The following CDH11 variants were observed in gnomAD, a reference collection of about 807,000 sequenced individuals.
CDH11 encodes the protein cadherin 11.
Under a neutral mutation model 67.8 loss-of-function variants are expected in CDH11, and 11 were observed. That is an observed-to-expected ratio of 0.16 (90% CI 0.10 to 0.27). The LOEUF is 0.27. CDH11 is among the 10% of genes least tolerant of loss of function. The pLI is 1.00. For synonymous variants in CDH11, 419 were observed against 400.0 expected (o/e 1.05, Z -0.57); for missense variants, 847 against 1,031.2 (o/e 0.82, Z 2.45).
At chr16:65,122,881 T>A (rs2075358561), upstream of CDH11, among the ~76,000 whole-genome samples, 1 of 152,146 alleles carries the variant, frequency 6.6e-6, no homozygotes. Context: ...CAGCCAGGTA[T>A]CAGTGGCCCC....
chr16:64,992,349 G>A (rs80341712), intron 5 of CDH11, among the ~76,000 whole-genome samples: 7,531 of 152,274 alleles, frequency 0.049, 275 homozygotes, highest in Non-Finnish European at 0.071. Flanking sequence ...GTTTAAAGCA[G>A]GAGGTGCATA....
chr16:64,945,796 A>T lies in CDH11; in HGVS notation c.*1807T>A. 9.6e-7 allele frequency: 1 copy of T among 1,045,672 alleles called. No individual in the cohort carries two copies. The highest frequency in any genetic ancestry group is 1.2e-6 in the Non-Finnish European group (1 of 866,632). 64.8% of individuals were successfully genotyped at this position (1,045,672 alleles called of 1,614,324 possible). A position where few individuals can be genotyped will look rare whatever the true frequency, so the allele number is the denominator to read the frequency against. ...GTTGACTAAATCATAAAAATAGTAC[A>T]TAACATGATATCAAGAAATGCTTGA... On this transcript the variant is annotated 3_prime_UTR_variant, in exon 13 of 13. Coordinates refer to ENST00000268603, the MANE Select transcript of CDH11 (RefSeq NM_001797.4).
chr16:64,965,958 G>A (rs957658504), intron 11 of CDH11, among the ~76,000 whole-genome samples: 1 of 151,798 alleles, frequency 6.6e-6, no homozygotes, highest in Non-Finnish European at 1.5e-5. Context: ...TGGATTAATT[G>A]TAAATGTATA....
At position 64,991,814 on chromosome 16, in the gene CDH11, C is replaced by A. The variant is rs1293927001; in HGVS notation, c.765G>T (p.Thr255=). The change falls in exon 6 of 13, where the codon ACG becomes ACT. Residue 255 remains threonine, a synonymous_variant. Transcript: ENST00000268603. ...TGTCATTGACATCGGTCAGTGTGAT[C>A]GTCACTTTGGTTGTCCCTGAGAGTC... The part of the protein sequence containing the change: ...MGGLSGTTKV[T]ITLTDVNDNP... 6.2e-7 allele frequency: 1 copy of A among 1,613,916 alleles called. No homozygotes were observed. Among genetic ancestry groups the A allele is most frequent in the Non-Finnish European group, 8.5e-7 (1 of 1,179,872 alleles).
Position 64,994,327 on chromosome 16 carries a change from CT to C in CDH11, c.524-1294del, listed in dbSNP as rs1243951460. On this transcript the variant is annotated intron_variant, in intron 4 of 12. Transcript: ENST00000268603. ...TTATTAATTTTAAATGCTTAATTTC[CT>C]TCTAGAACTCTGCTACATCCTTTAC... Among the ~76,000 whole-genome samples, 7 of 152,232 alleles carry C rather than the reference CT, an allele frequency of 4.6e-5. No individual in the cohort carries two copies. In the East Asian group the frequency reaches 1.4e-3, roughly 29 times the overall value.
In CDH11 at chr16:64,991,886, C is replaced by T. The variant is rs1299635631; in HGVS notation, c.693G>A (p.Glu231=). The change falls in exon 6 of 13, where the codon GAG becomes GAA. Residue 231 remains glutamate (E), a synonymous_variant. Coordinates refer to ENST00000268603, the MANE Select transcript of CDH11 (RefSeq NM_001797.4). Reference sequence around the variant, plus strand: ...CCTTGGCCTGGATCACCACGTGGTACTCCTCCTTGGCCTCCCTGTCCATGT... The same window carrying T: ...CCTTGGCCTGGATCACCACGTGGTATTCCTCCTTGGCCTCCCTGTCCATGT... ...LPNMDREAKE[E]YHVVIQAKDM... 1 of 1,613,846 alleles carries T rather than the reference C, an allele frequency of 6.2e-7. No homozygotes were observed. The highest frequency in any genetic ancestry group is 8.5e-7 in the Non-Finnish European group (1 of 1,179,762).
intron 1 of CDH11, among the ~76,000 whole-genome samples, chr16:65,057,906 G>T (rs138970670): frequency 2.6e-5 from 4 of 152,262 alleles, no homozygotes; most frequent in African/African-American, 9.6e-5. Flanking sequence ...TTCCCATGGT[G>T]TGTGACTACA....
At chr16:65,021,881 A>AG (rs1275002406) in intron 2 of CDH11, among the ~76,000 whole-genome samples, 1 of 150,668 alleles carries the variant, frequency 6.6e-6, no homozygotes, top group Non-Finnish European at 1.5e-5. Context: ...ACTCAGAAAA[A>AG]AAAAAAAAAA....
rs1338593701 is a variant in CDH11 at position 64,946,736 on chromosome 16, G to A, written c.*867C>T. ...AATTAGAAATATAAATGGATCATTA[G>A]AAATACTTAACGTTTGTTTCAATGT... On this transcript the variant is annotated 3_prime_UTR_variant, in exon 13 of 13. Transcript: ENST00000268603. 1.1e-6 allele frequency: 1 copy of A among 908,958 alleles called. No homozygotes were observed. The highest frequency in any genetic ancestry group is 1.3e-6 in the Non-Finnish European group (1 of 748,994). 56.3% of individuals were successfully genotyped at this position (908,958 alleles called of 1,614,324 possible).
rs1380795078 is a variant in CDH11, at chr16:64,982,042, C to T, written c.1253+6G>A. ...ATCCAAGCTCTTAAAATAAATCCGT[C>T]TGTACCTTATCGGGCTGTTGGCAGC... On this transcript the variant is annotated splice_donor_region_variant and intron_variant, in intron 8 of 12. Coordinates refer to ENST00000268603, the MANE Select transcript of CDH11 (RefSeq NM_001797.4). The T allele has an allele frequency of 1.9e-6, 3 of 1,607,364 alleles. No homozygotes were observed. The highest frequency in any genetic ancestry group is 2.5e-6 in the Non-Finnish European group (3 of 1,176,564).
At chr16:65,027,067 G>C (rs547293587) in intron 2 of CDH11, among the ~76,000 whole-genome samples, 3 of 152,132 alleles carry the variant, frequency 2.0e-5, no homozygotes, top group African/African-American at 4.8e-5. Context: ...GTTTCTATCA[G>C]TATTTCACCC....
At chr16:65,082,819 T>A (rs2074633062) in intron 1 of CDH11, among the ~76,000 whole-genome samples, 1 of 152,190 alleles carries the variant, frequency 6.6e-6, no homozygotes, top group African/African-American at 2.4e-5. Context: ...CCTATTTTGA[T>A]GTTGCTTTTA....
chr16:64,985,888 T>C (rs970424310), intron 7 of CDH11: 2 of 151,626 alleles, frequency 1.3e-5, no homozygotes, highest in Admixed American at 1.3e-4. Context: ...TTTTAATTAT[T>C]GTATCACTTC....
Position 64,972,895 on chromosome 16 carries a change from A to C in CDH11, c.1390+9T>G. 3.7e-6 allele frequency: 6 copies of C among 1,613,608 alleles called. No individual in the cohort carries two copies. The highest frequency in any genetic ancestry group is 5.1e-6 in the Non-Finnish European group (6 of 1,179,646). Reference sequence around the variant, plus strand: ...AAAGTAGAATCAAAACCATGAGGAGAATACTTACGGATTTCTGCTGCAAAG... The same window carrying C: ...AAAGTAGAATCAAAACCATGAGGAGCATACTTACGGATTTCTGCTGCAAAG... On this transcript the variant is annotated intron_variant, in intron 9 of 12. Transcript: ENST00000268603.
intron 1 of CDH11, among the ~76,000 whole-genome samples, chr16:65,072,542 TG>T (rs1410029394): frequency 2.6e-5 from 4 of 152,112 alleles, no homozygotes; most frequent in Admixed American, 1.3e-4. Flanking sequence ...CAAAATTTTA[TG>T]GATATTTTTA....
intron 2 of CDH11, among the ~76,000 whole-genome samples, chr16:65,046,152 G>A (rs1267719671): frequency 6.6e-6 from 1 of 152,218 alleles, no homozygotes; most frequent in African/African-American, 2.4e-5. Flanking sequence ...ATCTTTCAAA[G>A]GAGAGAATCC....
chr16:64,957,624 A>ACC (rs2071550942), intron 11 of CDH11, among the ~76,000 whole-genome samples: 1 of 145,154 alleles, frequency 6.9e-6, no homozygotes. Context: ...ACACACACAC[A>ACC]CACACACACC....
intron 2 of CDH11, among the ~76,000 whole-genome samples, chr16:65,023,570 G>C (rs1296597612): frequency 2.0e-5 from 3 of 152,202 alleles, no homozygotes; most frequent in African/African-American, 7.2e-5. Flanking sequence ...CATAGGCAGA[G>C]CAGTGGCATG....
chr16:65,090,304 G>T (rs938036632), intron 1 of CDH11, among the ~76,000 whole-genome samples: 1 of 151,978 alleles, frequency 6.6e-6, no homozygotes, highest in African/African-American at 2.4e-5. Flanking sequence ...GTATACAGAA[G>T]AATGTCATCT....
Sources: allele counts gnomAD v4.1 joint callset (sites outside exome capture counted in the v4.1 genomes callset), GRCh38; gene constraint gnomAD v4.1.1; transcripts MANE v1.5; gene names NCBI Gene and HGNC (gene_info 2026-07-23, HGNC 2026-07-21).